ESCO2: variants seen among roughly 807,000 people sequenced by gnomAD.
ESCO2 encodes N-acetyltransferase ESCO2.
In ESCO2, 51 loss-of-function variants were observed where a neutral mutation model predicts 61.7. That is an observed-to-expected ratio of 0.83 (90% confidence interval 0.66 to 1.04). The LOEUF (loss-of-function observed/expected upper bound fraction) is 1.04. Ranked by LOEUF, ESCO2 falls within the 50% of genes least tolerant of loss-of-function variation. ESCO2 has a pLI of 0.00. For synonymous variants in ESCO2, 230 were observed against 238.2 expected (o/e 0.97, Z 0.32); for missense variants, 692 against 686.2 (o/e 1.01, Z -0.09).
At chr8:27,796,458 G>A (rs868571636) in intron 9 of ESCO2, among the ~76,000 whole-genome samples, 1 of 151,858 alleles carries the variant, frequency 6.6e-6, no homozygotes, top group African/African-American at 2.4e-5. Flanking sequence ...CTAACTTTGG[G>A]CTTTATTCTT....
chr8:27,804,911 T>A lies in ESCO2; in HGVS notation c.*1473T>A, dbSNP rs1167291566. 2.8e-6 allele frequency: 1 copy of A among 356,760 alleles called. No homozygotes were observed. The highest frequency in any genetic ancestry group is 3.9e-6 in the Non-Finnish European group (1 of 255,746). The allele number at this position is 356,760 out of a possible 1,614,324, so 22.1% of individuals were successfully genotyped here. A position where few individuals can be genotyped will look rare whatever the true frequency, so the allele number is the denominator to read the frequency against. On this transcript the variant is annotated 3_prime_UTR_variant, in exon 11 of 11. Coordinates refer to ENST00000305188, the MANE Select transcript of ESCO2 (RefSeq NM_001017420.3). Reference sequence around the variant, plus strand: ...ATTCTTTATTTTATACAACTAAATCTGATTTTAATTATTTTATTATGAAAA... The same window carrying A: ...ATTCTTTATTTTATACAACTAAATCAGATTTTAATTATTTTATTATGAAAA...
chr8:27,788,385 C>T (rs1805095882), intron 6 of ESCO2, among the ~76,000 whole-genome samples: 2 of 152,006 alleles, frequency 1.3e-5, no homozygotes, highest in Admixed American at 1.3e-4. Flanking sequence ...CTGTAATTTC[C>T]ACAATTTAAT....
intron 10 of ESCO2, among the ~76,000 whole-genome samples, chr8:27,802,672 ATAGT>A (rs1805475310): frequency 8.0e-6 from 1 of 125,160 alleles, no homozygotes; most frequent in South Asian, 2.6e-4. Context: ...ATATATATAT[ATAGT>A]TACTGCTTAA....
At chr8:27,780,540 G>C (rs1164134074) in intron 4 of ESCO2, among the ~76,000 whole-genome samples, 1 of 152,192 alleles carries the variant, frequency 6.6e-6, no homozygotes, top group Non-Finnish European at 1.5e-5. Flanking sequence ...AAGCTCTCTA[G>C]AGTTGAGTGT....
intron 3 of ESCO2, chr8:27,778,298 G>A (rs1331881494): frequency 6.6e-6 from 1 of 151,942 alleles, no homozygotes; most frequent in Non-Finnish European, 1.5e-5. Flanking sequence ...AGGCATTTAA[G>A]TTTTTAGTCC....
At chr8:27,775,096 TTTG>T (rs1804757715) in intron 1 of ESCO2, among the ~76,000 whole-genome samples, 1 of 152,218 alleles carries the variant, frequency 6.6e-6, no homozygotes, top group Non-Finnish European at 1.5e-5. Flanking sequence ...CATTCTAGCA[TTTG>T]TTTTCAGCAG....
At position 27,788,133 on chromosome 8, in the gene ESCO2, G is replaced by A. The variant is rs965936204; in HGVS notation, c.1131+131G>A. ...CAATGTTTTATGTGACAGAATGGGAGTTGTAGGTGGTGACATTGAATATTC... is the reference window on the plus strand; with the variant it reads ...CAATGTTTTATGTGACAGAATGGGAATTGTAGGTGGTGACATTGAATATTC... On this transcript the variant is annotated intron_variant, in intron 6 of 10. Coordinates refer to ENST00000305188, the MANE Select transcript of ESCO2 (RefSeq NM_001017420.3). The A allele has an allele frequency of 6.5e-5, 44 of 675,872 alleles. No homozygotes were observed. In the East Asian group the frequency reaches 8.4e-4, roughly 13 times the overall value. The allele number at this position is 675,872 out of a possible 1,614,324, so 41.9% of individuals were successfully genotyped here.
Position 27,792,863 on chromosome 8 carries a change from A to G in ESCO2, c.1497+52A>G, listed in dbSNP as rs762677756. The G allele has an allele frequency of 3.9e-6, 6 of 1,533,680 alleles. 1 individual carries two copies. In the South Asian group the frequency reaches 7.8e-5, roughly 20 times the overall value. On this transcript the variant is annotated intron_variant, in intron 9 of 10. Transcript: ENST00000305188. ...GGCATAATTTGCAGGCAAAATAAAG[A>G]AAAGTTGGGAGAAGTCTCAGCATTT...
At position 27,776,713 on chromosome 8, in the gene ESCO2, GAAC is replaced by G. The variant is rs757199319; in HGVS notation, c.411_413del (p.Asn137del). 3.1e-6 allele frequency: 5 copies of G among 1,613,454 alleles called. No individual in the cohort carries two copies. In the African/African-American group the frequency reaches 5.3e-5, roughly 17 times the overall value. On this transcript the variant is annotated inframe_deletion, in exon 3 of 11. Coordinates refer to ENST00000305188, the MANE Select transcript of ESCO2 (RefSeq NM_001017420.3). ...AAGGAAAACCAGTCTGCTCCAAGAA[GAAC>G]AACAAAAAACCACAGAAGAGTTTAA...
chr8:27,810,504 T>C, downstream of ESCO2: 1 of 1,581,470 alleles, frequency 6.3e-7, no homozygotes, highest in Non-Finnish European at 8.7e-7. Flanking sequence ...AGTTTTATCT[T>C]GAAGGAGTTA....
chr8:27,808,762 A>C (rs1028605119), downstream of ESCO2, among the ~76,000 whole-genome samples: 3 of 151,914 alleles, frequency 2.0e-5, no homozygotes, highest in African/African-American at 2.4e-5. Context: ...CAAAAAGATA[A>C]CATCTGAGAC....
chr8:27,775,592 A>G lies in ESCO2; in HGVS notation c.53+25A>G, dbSNP rs776613336. The G allele has an allele frequency of 3.1e-6, 5 of 1,613,042 alleles. No individual in the cohort carries two copies. The Admixed American group carries it at 8.3e-5, about 27-fold the overall frequency. ...GGTGAATCTCAGCCTGTGAATAGAAACTCTTAGAAAAATCCACCTTCTTGT... is the reference window on the plus strand; with the variant it reads ...GGTGAATCTCAGCCTGTGAATAGAAGCTCTTAGAAAAATCCACCTTCTTGT... On this transcript the variant is annotated intron_variant, in intron 2 of 10. Transcript: ENST00000305188.
At chr8:27,787,024 A>G (rs949995708) in intron 5 of ESCO2, among the ~76,000 whole-genome samples, 2 of 152,156 alleles carry the variant, frequency 1.3e-5, no homozygotes, top group African/African-American at 4.8e-5. Flanking sequence ...AGAATTGCCC[A>G]CTTAAAAGGG....
At chr8:27,799,317 C>T (rs1270204311) in intron 9 of ESCO2, among the ~76,000 whole-genome samples, 6 of 151,920 alleles carry the variant, frequency 3.9e-5, no homozygotes, top group African/African-American at 7.3e-5. Context: ...AGGAAAGTCT[C>T]GTAATGCTAT....
upstream of ESCO2, chr8:27,772,593 C>G (rs2128949816): frequency 1.3e-6 from 2 of 1,535,920 alleles, no homozygotes; most frequent in Non-Finnish European, 8.8e-7. Flanking sequence ...GCTCAACTCA[C>G]GAAGCTCAGG....
downstream of ESCO2, among the ~76,000 whole-genome samples, chr8:27,806,700 A>G (rs1222483894): frequency 6.7e-6 from 1 of 149,846 alleles, no homozygotes; most frequent in South Asian, 2.1e-4. Flanking sequence ...GCTCACTGCA[A>G]CCTCCACCTC....
At chr8:27,806,442 T>G (rs1805565197), downstream of ESCO2, among the ~76,000 whole-genome samples, 1 of 152,146 alleles carries the variant, frequency 6.6e-6, no homozygotes, top group Admixed American at 6.5e-5. Flanking sequence ...ATGGTCCCAC[T>G]TTTTTTCTTC....
At chr8:27,818,086 C>T in the ESCO2 span, among the ~76,000 whole-genome samples, 7 of 152,178 alleles carry the variant, frequency 4.6e-5, no homozygotes, top group African/African-American at 1.7e-4. Flanking sequence ...GGCCATGTTC[C>T]ATATAGTGGC....
chr8:27,787,990 C>T lies in ESCO2; in HGVS notation c.1119C>T (p.Asp373=), dbSNP rs1207324551. 1.2e-6 allele frequency: 2 copies of T among 1,610,188 alleles called. No individual in the cohort carries two copies. The highest frequency in any genetic ancestry group is 8.5e-7 in the Non-Finnish European group (1 of 1,176,742). The part of the protein sequence containing the change: ...NTRDTSKKTK[D]QLIIDAGQKH... The stretch of plus-strand genomic sequence containing the variant: ...GAGATACAAGTAAAAAAACAAAAGA[C>T]CAGCTCATCATCGTGAGTAAATTCC... The change falls in exon 6 of 11, where the codon GAC becomes GAT. Residue 373 remains aspartate, a synonymous_variant. Coordinates refer to ENST00000305188, the MANE Select transcript of ESCO2 (RefSeq NM_001017420.3).
Sources: allele counts gnomAD v4.1 joint callset (sites outside exome capture counted in the v4.1 genomes callset), GRCh38; gene constraint gnomAD v4.1.1; transcripts MANE v1.5; gene names NCBI Gene and HGNC (gene_info 2026-07-23, HGNC 2026-07-21).